MDGA2: variants seen among roughly 807,000 people sequenced by gnomAD.
MDGA2 encodes MAM domain containing glycosylphosphatidylinositol anchor 2, also known as MAM domain-containing glycosylphosphatidylinositol anchor protein 2.
MDGA2 carries 40 observed loss-of-function variants against 117.8 expected under a neutral mutation model. That is an observed-to-expected ratio of 0.34 (90% CI 0.26 to 0.44). The LOEUF is 0.44. Ranked by LOEUF, MDGA2 falls within the 20% of genes least tolerant of loss-of-function variation. The pLI, the probability that MDGA2 is intolerant of heterozygous loss-of-function variation, is 1.00. For missense variants in MDGA2, 1,123 were observed against 1,250.6 expected, an observed-to-expected ratio of 0.90 and a Z score of 1.54; for synonymous variants, 452 against 439.0, an observed-to-expected ratio of 1.03 and a Z score of -0.37.
chr14:46,864,654 A>G (rs991329528), intron 14 of MDGA2, among the ~76,000 whole-genome samples: 1 of 145,702 alleles, frequency 6.9e-6, no homozygotes, highest in Non-Finnish European at 1.5e-5. Context: ...TTCCATCTAT[A>G]GCATTATTTT....
At chr14:47,594,746 C>T (rs940882065) in intron 1 of MDGA2, among the ~76,000 whole-genome samples, 2 of 152,206 alleles carry the variant, frequency 1.3e-5, no homozygotes, top group Non-Finnish European at 2.9e-5. Flanking sequence ...AGGTGCCATG[C>T]ACCCTTTCAT....
chr14:47,435,928 T>C (rs558925910), intron 1 of MDGA2, among the ~76,000 whole-genome samples: 1 of 152,238 alleles, frequency 6.6e-6, no homozygotes, highest in Non-Finnish European at 1.5e-5. Context: ...AAATCTACAT[T>C]GTTTCCAACT....
chr14:47,435,952 G>C (rs1892888478), intron 1 of MDGA2, among the ~76,000 whole-genome samples: 1 of 151,980 alleles, frequency 6.6e-6, no homozygotes, highest in African/African-American at 2.4e-5. Flanking sequence ...CTAAAATCAT[G>C]GGCTTTTTTC....
At chr14:46,882,330 A>C (rs1882494063) in intron 10 of MDGA2, 109 bp from the exon 11 acceptor site, 2 of 851,626 alleles carry the variant, frequency 2.3e-6, no homozygotes, top group African/African-American at 3.5e-5. Context: ...TACGTATATT[A>C]ATGAATACGT....
At chr14:46,847,097 A>G (rs1209403593) in intron 15 of MDGA2, among the ~76,000 whole-genome samples, 1 of 152,042 alleles carries the variant, frequency 6.6e-6, no homozygotes, top group Non-Finnish European at 1.5e-5. Context: ...AAATTTATCC[A>G]ATGTTCTTTG....
At chr14:46,960,767 ATT>A (rs1178947193) in intron 8 of MDGA2, among the ~76,000 whole-genome samples, 1 of 144,230 alleles carries the variant, frequency 6.9e-6, no homozygotes, top group African/African-American at 2.7e-5. Context: ...CATATGTAGA[ATT>A]TGTGTACATA....
chr14:46,849,431 TTTAA>T (rs1165791190), intron 15 of MDGA2, among the ~76,000 whole-genome samples: 1 of 151,914 alleles, frequency 6.6e-6, no homozygotes, highest in African/African-American at 2.4e-5. Flanking sequence ...TCTGAATTAC[TTTAA>T]TTAAATTTTA....
At chr14:47,046,142 T>C (rs1427347584) in intron 7 of MDGA2, among the ~76,000 whole-genome samples, 1 of 148,596 alleles carries the variant, frequency 6.7e-6, no homozygotes, top group African/African-American at 2.5e-5. Flanking sequence ...ACCCTAAAAC[T>C]TAAAGTATGA....
At chr14:47,604,252 C>T (rs1219113812) in intron 1 of MDGA2, among the ~76,000 whole-genome samples, 4 of 151,946 alleles carry the variant, frequency 2.6e-5, no homozygotes, top group African/African-American at 4.8e-5. Flanking sequence ...CCTTTCCTTC[C>T]CACCTCCATC....
chr14:47,000,400 A>T (rs1339108820), intron 8 of MDGA2, among the ~76,000 whole-genome samples: 7 of 115,596 alleles, frequency 6.1e-5, no homozygotes, highest in African/African-American at 1.7e-4. Flanking sequence ...TTTATATATA[A>T]ATATATATTT....
At chr14:47,167,726 T>A (rs1281378644) in intron 3 of MDGA2, among the ~76,000 whole-genome samples, 1 of 152,162 alleles carries the variant, frequency 6.6e-6, no homozygotes, top group African/African-American at 2.4e-5. Flanking sequence ...AGGTCAATCC[T>A]AGAAAAATAT....
At position 47,144,238 on chromosome 14, in the gene MDGA2, A is replaced by T; in HGVS notation, c.632T>A (p.Ile211Lys). Residue 211 changes from isoleucine (I) to lysine (K), a missense_variant, in exon 4 of 17, where the codon ATA (isoleucine) becomes AAA (lysine). By Grantham distance (102) the Ile-to-Lys change is moderately radical. This residue lies in a region of MDGA2 where 890 missense variants were observed against 1,050.3 expected (regional missense o/e 0.85). Transcript: ENST00000399232. ...GTAAAATTGTTCTTTAGCTTCACCT[A>T]TACTTTGATGAACAGTTACTACTGG... ...DDPVVTVHQS[I>K]GEAKEQFYYE... 6.4e-7 allele frequency: 1 copy of T among 1,551,206 alleles called. No individual in the cohort carries two copies. The highest frequency in any genetic ancestry group is 8.7e-7 in the Non-Finnish European group (1 of 1,146,684).
At chr14:47,150,356 C>A (rs562562189) in intron 3 of MDGA2, among the ~76,000 whole-genome samples, 3 of 152,286 alleles carry the variant, frequency 2.0e-5, no homozygotes, top group Middle Eastern at 3.4e-3. Context: ...CCTTTGACTG[C>A]AGAAGATAAG....
intron 6 of MDGA2, among the ~76,000 whole-genome samples, chr14:47,087,234 G>C (rs969527894): frequency 2.0e-5 from 3 of 151,846 alleles, no homozygotes; most frequent in African/African-American, 7.3e-5. Context: ...TAGATGGTTG[G>C]CTGGGTGCGG....
chr14:47,128,016 C>T (rs1197106652), intron 5 of MDGA2, among the ~76,000 whole-genome samples: 1 of 152,110 alleles, frequency 6.6e-6, no homozygotes, highest in Non-Finnish European at 1.5e-5. Flanking sequence ...AATAACTCTT[C>T]AAACACTGGA....
At chr14:46,942,090 G>A (rs574961499) in intron 9 of MDGA2, among the ~76,000 whole-genome samples, 3 of 152,044 alleles carry the variant, frequency 2.0e-5, no homozygotes, top group Non-Finnish European at 2.9e-5. Flanking sequence ...TGTAACATTC[G>A]CTGTCTCTTA....
intron 1 of MDGA2, among the ~76,000 whole-genome samples, chr14:47,380,542 C>T (rs997360136): frequency 9.2e-5 from 14 of 151,886 alleles, no homozygotes; most frequent in East Asian, 1.9e-4. Context: ...ATATCACCAC[C>T]GATCCCACAG....
intron 1 of MDGA2, among the ~76,000 whole-genome samples, chr14:47,588,496 C>A (rs1896375146): frequency 6.6e-6 from 1 of 151,720 alleles, no homozygotes; most frequent in Admixed American, 6.6e-5. Flanking sequence ...TGTTGGATAT[C>A]TTTCCATATG....
chr14:47,326,579 G>A (rs895900245), intron 1 of MDGA2, among the ~76,000 whole-genome samples: 1 of 151,896 alleles, frequency 6.6e-6, no homozygotes, highest in Non-Finnish European at 1.5e-5. Flanking sequence ...GAATGTTTCT[G>A]CCTTCAGTTT....
Sources: allele counts gnomAD v4.1 joint callset (sites outside exome capture counted in the v4.1 genomes callset), GRCh38; gene constraint gnomAD v4.1.1; regional missense constraint gnomAD v4.1.1; transcripts MANE v1.5; gene names NCBI Gene and HGNC (gene_info 2026-07-23, HGNC 2026-07-21).